The following CFAP58 variants were observed in gnomAD, a reference collection of about 807,000 sequenced individuals.
The protein encoded by CFAP58 is cilia- and flagella-associated protein 58.
CFAP58 carries 88 observed loss-of-function variants against 119.5 expected under a neutral mutation model. The ratio of observed to expected loss-of-function variants is 0.74; its 90% CI spans 0.62 to 0.88. CFAP58 has a LOEUF of 0.88. CFAP58 is among the 40% of genes least tolerant of loss of function. The pLI is 0.00. For synonymous variants in CFAP58, 365 were observed against 366.3 expected (o/e 1.00, Z 0.04); for missense variants, 990 against 1,021.2 (o/e 0.97, Z 0.42).
In CFAP58 at chr10:104,414,357, A is replaced by G. The variant is rs553005361; in HGVS notation, c.2256+7564A>G. On this transcript the variant is annotated intron_variant, in intron 15 of 17. Coordinates refer to ENST00000369704, the MANE Select transcript of CFAP58 (RefSeq NM_001008723.2). ...AAGGCTTGGGGGAGAAGGAGACGTAAAGAAACAGCAGCCACACAGTCGGCT... is the reference window on the plus strand; with the variant it reads ...AAGGCTTGGGGGAGAAGGAGACGTAGAGAAACAGCAGCCACACAGTCGGCT... Among the ~76,000 whole-genome samples, 12 of 152,336 alleles carry G rather than the reference A, an allele frequency of 7.9e-5. No individual in the cohort carries two copies. The East Asian group carries it at 2.1e-3, about 27-fold the overall frequency.
At chr10:104,436,447 AG>A (rs1310386875) in intron 15 of CFAP58, among the ~76,000 whole-genome samples, 2 of 152,184 alleles carry the variant, frequency 1.3e-5, no homozygotes, top group African/African-American at 4.8e-5. Flanking sequence ...TAGACTGTCC[AG>A]GAAGCATGGC....
chr10:104,412,510 A>C (rs1187464766), intron 15 of CFAP58, among the ~76,000 whole-genome samples: 5 of 152,106 alleles, frequency 3.3e-5, no homozygotes, highest in African/African-American at 1.2e-4. Context: ...TATCTTGCTG[A>C]AGCCCCAAGT....
At chr10:104,389,828 G>A (rs1174468424) in intron 9 of CFAP58, among the ~76,000 whole-genome samples, 1 of 152,102 alleles carries the variant, frequency 6.6e-6, no homozygotes, top group Non-Finnish European at 1.5e-5. Flanking sequence ...GAAACTAACA[G>A]AAACCTTGAG....
chr10:104,380,677 G>A (rs2011773386), intron 9 of CFAP58, among the ~76,000 whole-genome samples: 1 of 152,150 alleles, frequency 6.6e-6, no homozygotes, highest in Admixed American at 6.5e-5. Context: ...AGTGACTACT[G>A]CATCTGCTAG....
At chr10:104,449,656 T>C (rs567742078) in intron 16 of CFAP58, among the ~76,000 whole-genome samples, 18 of 152,342 alleles carry the variant, frequency 1.2e-4, no homozygotes, top group African/African-American at 4.1e-4. Context: ...TTCATAATCC[T>C]CAGATGAATC....
intron 15 of CFAP58, among the ~76,000 whole-genome samples, chr10:104,419,471 T>C (rs1382641967): frequency 2.6e-5 from 4 of 152,154 alleles, no homozygotes; most frequent in Non-Finnish European, 5.9e-5. Flanking sequence ...GCAATATTCA[T>C]TGGTGTGTAA....
intron 1 of CFAP58, among the ~76,000 whole-genome samples, chr10:104,357,171 C>T (rs184808735): frequency 2.0e-4 from 31 of 152,194 alleles, no homozygotes; most frequent in South Asian, 4.2e-4. Context: ...ATAAGAATCC[C>T]GATATAACTC....
rs2012475974 is a variant in CFAP58 at position 104,412,430 on chromosome 10, T to TGGTTG, written c.2256+5640_2256+5644dup. Among the ~76,000 whole-genome samples the TGGTTG allele has an allele frequency of 2.6e-5, 4 of 152,294 alleles. No individual in the cohort carries two copies. The South Asian group carries it at 8.3e-4, about 32-fold the overall frequency. ...TCAATTCCTTATTTAGCGTTTGGAA[T>TGGTTG]GGTTGGGCTCTCCTGTGCCTGCTGT... On this transcript the variant is annotated intron_variant, in intron 15 of 17. Transcript: ENST00000369704.
At chr10:104,372,977 A>G (rs1426912929) in intron 7 of CFAP58, among the ~76,000 whole-genome samples, 2 of 152,234 alleles carry the variant, frequency 1.3e-5, no homozygotes, top group Non-Finnish European at 2.9e-5. Flanking sequence ...CACAGAAACC[A>G]AGAAATAAAC....
At chr10:104,431,238 C>G (rs2012842520) in intron 15 of CFAP58, among the ~76,000 whole-genome samples, 3 of 152,158 alleles carry the variant, frequency 2.0e-5, no homozygotes, top group African/African-American at 7.2e-5. Context: ...TCTAGGGATA[C>G]AGAAAGACAC....
chr10:104,365,047 G>A (rs1016009662), intron 4 of CFAP58, among the ~76,000 whole-genome samples, 158 bp downstream of exon 4: 8 of 152,100 alleles, frequency 5.3e-5, no homozygotes, highest in Admixed American at 6.6e-5. Context: ...GTTCTCTTGA[G>A]AGGAGCTTTA....
In CFAP58 at chr10:104,380,237, T is replaced by A. The variant is rs2011758013; in HGVS notation, c.1365+17T>A. On this transcript the variant is annotated intron_variant, in intron 9 of 17. Coordinates refer to ENST00000369704, the MANE Select transcript of CFAP58 (RefSeq NM_001008723.2). ...ACGCAAAAGGTAAGCTGCTCAGTGATGTTGTGGGTGGAGCAGAGGCACATT... is the reference window on the plus strand; with the variant it reads ...ACGCAAAAGGTAAGCTGCTCAGTGAAGTTGTGGGTGGAGCAGAGGCACATT... 2 of 1,608,120 alleles carry A rather than the reference T, an allele frequency of 1.2e-6. No homozygotes were observed. Among genetic ancestry groups the A allele is most frequent in the Non-Finnish European group, 1.7e-6 (2 of 1,176,492 alleles).
rs971849224 is a variant in CFAP58, at chr10:104,375,255, T to C, written c.1091-1556T>C. Among the ~76,000 whole-genome samples the C allele has an allele frequency of 4.6e-5, 7 of 150,546 alleles. No homozygotes were observed. The East Asian group carries it at 1.4e-3, about 29-fold the overall frequency. On this transcript the variant is annotated intron_variant, in intron 7 of 17. Transcript: ENST00000369704. ...AAATATATATATAAATATATGTATT[T>C]ATAAATATATTTATATACACGTATA...
At chr10:104,369,554 A>T (rs1478488143) in intron 6 of CFAP58, among the ~76,000 whole-genome samples, 1 of 152,224 alleles carries the variant, frequency 6.6e-6, no homozygotes. Context: ...ACCATTCTTT[A>T]TGAGAATGCA....
At chr10:104,437,210 T>G (rs1308566435) in intron 15 of CFAP58, among the ~76,000 whole-genome samples, 1 of 152,218 alleles carries the variant, frequency 6.6e-6, no homozygotes, top group Non-Finnish European at 1.5e-5. Context: ...ACACATGTGC[T>G]GAGCTTAGCA....
chr10:104,376,093 C>T (rs2011653046), intron 7 of CFAP58, among the ~76,000 whole-genome samples: 1 of 152,034 alleles, frequency 6.6e-6, no homozygotes, highest in Non-Finnish European at 1.5e-5. Context: ...GGATTTTTCC[C>T]ACAAGAGACT....
intron 9 of CFAP58, among the ~76,000 whole-genome samples, chr10:104,385,296 C>A (rs2011900467): frequency 1.3e-5 from 2 of 152,050 alleles, no homozygotes. Context: ...AAAGTCTAGA[C>A]TTATTGTTGT....
upstream of CFAP58, among the ~76,000 whole-genome samples, chr10:104,350,076 TGTC>T (rs916417131): frequency 6.6e-6 from 1 of 152,202 alleles, no homozygotes; most frequent in African/African-American, 2.4e-5. Context: ...CTCGGACTGT[TGTC>T]AGAAAATCTT....
At chr10:104,384,698 G>T (rs1218643275) in intron 9 of CFAP58, among the ~76,000 whole-genome samples, 2 of 152,234 alleles carry the variant, frequency 1.3e-5, no homozygotes, top group East Asian at 3.8e-4. Flanking sequence ...TTCCTTCAAA[G>T]ATTGTAAGTA....
Sources: allele counts gnomAD v4.1 joint callset (sites outside exome capture counted in the v4.1 genomes callset), GRCh38; gene constraint gnomAD v4.1.1; transcripts MANE v1.5; gene names NCBI Gene and HGNC (gene_info 2026-07-23, HGNC 2026-07-21).